The following GBP4 variants were observed in gnomAD, a reference collection of about 807,000 sequenced individuals.
GBP4 encodes guanylate binding protein 4.
A neutral mutation model predicts 62.2 loss-of-function variants in GBP4; 69 were observed. That is an observed-to-expected ratio of 1.11 (90% CI 0.91 to 1.36). The LOEUF is 1.36. GBP4 is among the 40% of genes most tolerant of loss of function. The pLI, the probability that GBP4 is intolerant of heterozygous loss-of-function variation, is 0.00. For synonymous variants in GBP4, 278 were observed against 274.6 expected (o/e 1.01, Z -0.12); for missense variants, 697 against 759.3 (o/e 0.92, Z 0.96).
At position 89,184,141 on chromosome 1, in the gene GBP4, A is replaced by G. The variant is rs674903; in HGVS notation, c.*1113T>C. 74,693 of 152,040 alleles carry G rather than the reference A, an allele frequency of 0.49. 18,717 individuals are homozygous for G. The highest frequency in any genetic ancestry group is 0.52 in the Non-Finnish European group (35,197 of 67,952). 9.4% of individuals were successfully genotyped at this position (152,040 alleles called of 1,614,324 possible). On this transcript the variant is annotated 3_prime_UTR_variant, in exon 11 of 11. Transcript: ENST00000355754. ...CTCATCATCACTAATCACTACAGAAATGCATACCATCTCACACCAGTCAGA... is the reference window on the plus strand; with the variant it reads ...CTCATCATCACTAATCACTACAGAAGTGCATACCATCTCACACCAGTCAGA...
chr1:89,197,718 C>G (rs754227799), intron 1 of GBP4, among the ~76,000 whole-genome samples: 2 of 152,066 alleles, frequency 1.3e-5, no homozygotes, highest in Non-Finnish European at 2.9e-5. Context: ...AGAAAAGGCT[C>G]CAGGCATTCC....
At position 89,188,601 on chromosome 1, in the gene GBP4, A is replaced by C; in HGVS notation, c.1391T>G (p.Val464Gly). 2 of 1,614,000 alleles carry C rather than the reference A, an allele frequency of 1.2e-6. No individual in the cohort carries two copies. Among genetic ancestry groups the C allele is most frequent in the Non-Finnish European group, 1.7e-6 (2 of 1,179,874 alleles). The change falls in exon 8 of 11, where the codon GTG becomes GGG. Residue 464 changes from valine (V) to glycine (G), a missense_variant. Around this residue, in one of 2 missense-constraint regions of GBP4, gnomAD observed 556 missense variants for 562.7 expected, o/e 0.99. Transcript: ENST00000355754. The stretch of plus-strand genomic sequence containing the variant: ...CCTCACCTTAACTCCTTTTCTGGGC[A>C]CTAGCTTATAGTCCCACTCAACCTG... The part of the protein sequence containing the change: ...KKQVEWDYKL[V>G]PRKGVKANEV...
In GBP4 at chr1:89,193,061, G is replaced by A. The variant is rs377180415; in HGVS notation, c.513C>T (p.Ser171=). Residue 171 remains serine (S), a synonymous_variant, in exon 5 of 11, where the codon TCC becomes TCT. Coordinates refer to ENST00000355754, the MANE Select transcript of GBP4 (RefSeq NM_052941.5). ...TELAELIRAK[S]CPRPDEAEDS... ...CCTCAGCTTCATCAGGTCTGGGGCA[G>A]GATTTTGCCCTGATTAGCTCTGCTA... 13 of 1,614,196 alleles carry A rather than the reference G, an allele frequency of 8.1e-6. No individual in the cohort carries two copies. Among genetic ancestry groups the A allele is most frequent in the South Asian group, 1.1e-5 (1 of 91,072 alleles).
chr1:89,188,596 TG>T lies in GBP4; in HGVS notation c.1395del (p.Arg466GlufsTer20). 6.2e-7 allele frequency: 1 copy of T among 1,613,592 alleles called. No individual in the cohort carries two copies. The highest frequency in any genetic ancestry group is 1.3e-5 in the African/African-American group (1 of 75,064). ...KQVEWDYKLV[P>X]RKGVKANEVL... ...CTTTTCCTCACCTTAACTCCTTTTC[TG>T]GGCACTAGCTTATAGTCCCACTCAA... On this transcript the variant is annotated frameshift_variant, in exon 8 of 11. Transcript: ENST00000355754. LOFTEE classifies it high-confidence loss of function.
At position 89,188,801 on chromosome 1, in the gene GBP4, GA is replaced by G; in HGVS notation, c.1198-8del. The G allele has an allele frequency of 6.2e-7, 1 of 1,613,824 alleles. No individual in the cohort carries two copies. The highest frequency in any genetic ancestry group is 8.5e-7 in the Non-Finnish European group (1 of 1,179,862). On this transcript the variant is annotated splice_region_variant and splice_polypyrimidine_tract_variant and intron_variant, in intron 7 of 10. Transcript: ENST00000355754. Reference sequence around the variant, plus strand: ...TCTTTTTCTCTATGGTGTCCTGCCAGAAAAATGTAGAGAAAACAGTAGAAAG... The same window carrying G: ...TCTTTTTCTCTATGGTGTCCTGCCAGAAAATGTAGAGAAAACAGTAGAAAG...
Position 89,195,355 on chromosome 1 carries a change from G to C in GBP4, c.305C>G (p.Ser102Cys). Residue 102 changes from serine to cysteine, a missense_variant, in exon 3 of 11, where the codon TCT becomes TGT. Physicochemically the swap from Ser to Cys is moderately radical, Grantham distance 112. Coordinates refer to ENST00000355754, the MANE Select transcript of GBP4 (RefSeq NM_052941.5). ...AAGGACCAGGGTGTGGTTTGGCTTA[G>C]AGAGGTGGGGCACACACCACATCCA... is the stretch of plus-strand genomic sequence containing the variant. Reference protein sequence around the residue: ...GIWMWCVPHLSKPNHTLVLLD... With the variant: ...GIWMWCVPHLCKPNHTLVLLD... 1 of 1,614,078 alleles carries C rather than the reference G, an allele frequency of 6.2e-7. No homozygotes were observed. The highest frequency in any genetic ancestry group is 1.1e-5 in the South Asian group (1 of 91,070).
At chr1:89,191,980 A>T (rs1021542259) in intron 5 of GBP4, among the ~76,000 whole-genome samples, 1 of 152,226 alleles carries the variant, frequency 6.6e-6, no homozygotes, top group African/African-American at 2.4e-5. Flanking sequence ...TAATAAAAAT[A>T]AAAAGTATTT....
intron 8 of GBP4, among the ~76,000 whole-genome samples, chr1:89,188,036 C>A (rs1300841105): frequency 1.3e-5 from 2 of 152,140 alleles, no homozygotes; most frequent in African/African-American, 4.8e-5. Context: ...ACTTTATTAA[C>A]CTCTCCATGC....
At position 89,185,183 on chromosome 1, in the gene GBP4, A is replaced by T; in HGVS notation, c.*71T>A. 1.1e-6 allele frequency: 1 copy of T among 921,962 alleles called. No individual in the cohort carries two copies. The highest frequency in any genetic ancestry group is 1.7e-6 in the Non-Finnish European group (1 of 582,670). 57.1% of individuals were successfully genotyped at this position (921,962 alleles called of 1,614,324 possible). ...CTATAACACATATACTTACAAAATG[A>T]GCAACAGTGTTATGTTATTAAAATA... is the stretch of plus-strand genomic sequence containing the variant. On this transcript the variant is annotated 3_prime_UTR_variant, in exon 11 of 11. Coordinates refer to ENST00000355754, the MANE Select transcript of GBP4 (RefSeq NM_052941.5).
In GBP4 at chr1:89,197,267, A is replaced by T. The variant is rs1408715692; in HGVS notation, c.78T>A (p.Ile26=). The change falls in exon 2 of 11, where the codon ATT becomes ATA. Residue 26 remains isoleucine, a synonymous_variant. Coordinates refer to ENST00000355754, the MANE Select transcript of GBP4 (RefSeq NM_052941.5). ...GCTCTTCCTGGTTTTCCACTAGACA[A>T]ATGGGGGCCATCATGATGGATTCAG... ...PESESIMMAP[I]CLVENQEEQL... The T allele has an allele frequency of 3.1e-6, 5 of 1,614,068 alleles. No homozygotes were observed. Among genetic ancestry groups the T allele is most frequent in the Non-Finnish European group, 4.2e-6 (5 of 1,179,972 alleles).
intron 5 of GBP4, among the ~76,000 whole-genome samples, chr1:89,191,954 A>G (rs569012995): frequency 2.0e-4 from 30 of 152,366 alleles, no homozygotes; most frequent in African/African-American, 7.0e-4. Context: ...ATGAAGGTGA[A>G]TGATACCCAA....
chr1:89,186,420 T>C lies in GBP4; in HGVS notation c.1620A>G (p.Glu540=), dbSNP rs148706291. The C allele has an allele frequency of 5.0e-4, 761 of 1,530,498 alleles. 29 individuals carry two copies. The highest frequency in any genetic ancestry group is 6.0e-4 in the Non-Finnish European group (664 of 1,101,810). The allele number at this position is 1,530,498 out of a possible 1,614,324, so 94.8% of individuals were successfully genotyped here. ...MMEAQERSFQ[E]YMAQMEKKLE... ...ACTTCTTCTCCATTTGGGCCATGTA[T>C]TCCTGGAAGCTTCTCTCTTGAGCCT... is the stretch of plus-strand genomic sequence containing the variant. Residue 540 remains glutamate (E), a synonymous_variant, in exon 10 of 11, where the codon GAA becomes GAG. Transcript: ENST00000355754.
At chr1:89,197,488 T>C (rs764244425) in intron 1 of GBP4, among the ~76,000 whole-genome samples, 184 bp from the exon 2 acceptor site, 4 of 152,212 alleles carry the variant, frequency 2.6e-5, no homozygotes, top group Non-Finnish European at 5.9e-5. Flanking sequence ...ATATAAAATT[T>C]GTACATTTCA....
intron 3 of GBP4, among the ~76,000 whole-genome samples, chr1:89,195,071 C>T (rs1364206700): frequency 6.6e-6 from 1 of 152,192 alleles, no homozygotes; most frequent in Non-Finnish European, 1.5e-5. Flanking sequence ...CTCTTCAATA[C>T]ATATTTATTA....
chr1:89,197,258 C>G lies in GBP4; in HGVS notation c.87G>C (p.Val29=). The change falls in exon 2 of 11, where the codon GTG becomes GTC. Residue 29 remains valine, a synonymous_variant. Transcript: ENST00000355754. ...CTGTCAGCTGCTCTTCCTGGTTTTCCACTAGACAAATGGGGGCCATCATGA... is the reference window on the plus strand; with the variant it reads ...CTGTCAGCTGCTCTTCCTGGTTTTCGACTAGACAAATGGGGGCCATCATGA... ...ESIMMAPICL[V]ENQEEQLTVN... is the part of the protein sequence containing the mutation. 1 of 1,614,062 alleles carries G rather than the reference C, an allele frequency of 6.2e-7. No homozygotes were observed. The highest frequency in any genetic ancestry group is 8.5e-7 in the Non-Finnish European group (1 of 1,179,976).
intron 5 of GBP4, 26 bp downstream of exon 5, chr1:89,192,878 C>T (rs750019411): frequency 1.3e-5 from 21 of 1,606,098 alleles, no homozygotes; most frequent in Non-Finnish European, 1.8e-5. Flanking sequence ...ACTGAACCTT[C>T]CCACATCCAG....
rs896913388 is a variant in GBP4 at position 89,181,393 on chromosome 1, G to A, written c.*3861C>T. On this transcript the variant is annotated 3_prime_UTR_variant, in exon 11 of 11. Coordinates refer to ENST00000355754, the MANE Select transcript of GBP4 (RefSeq NM_052941.5). ...AAGGTAATGTCATCAGTTAAGGCAG[G>A]AACAGGCCATTTTCACTTCTTTTGT... 1.3e-5 allele frequency: 2 copies of A among 152,124 alleles called. No individual in the cohort carries two copies. Among genetic ancestry groups the A allele is most frequent in the African/African-American group, 4.8e-5 (2 of 41,416 alleles). The allele number at this position is 152,124 out of a possible 1,614,324, so 9.4% of individuals were successfully genotyped here. A position where few individuals can be genotyped will look rare whatever the true frequency, so the allele number is the denominator to read the frequency against.
chr1:89,188,167 ATC>A (rs1648086386), intron 8 of GBP4, among the ~76,000 whole-genome samples: 1 of 10,768 alleles, frequency 9.3e-5, no homozygotes, highest in Non-Finnish European at 1.6e-4. Context: ...CATCAAGATC[ATC>A]ATCATCATCA....
chr1:89,194,430 G>A (rs1357698511), intron 3 of GBP4, among the ~76,000 whole-genome samples: 1 of 152,158 alleles, frequency 6.6e-6, no homozygotes, highest in African/African-American at 2.4e-5. Flanking sequence ...AACATATTAA[G>A]AATAAATGTT....
Sources: allele counts gnomAD v4.1 joint callset (sites outside exome capture counted in the v4.1 genomes callset), GRCh38; gene constraint gnomAD v4.1.1; regional missense constraint gnomAD v4.1.1; transcripts MANE v1.5; gene names NCBI Gene and HGNC (gene_info 2026-07-23, HGNC 2026-07-21).